Variants in SPOCK3 observed in about 807,000 individuals in gnomAD.
SPOCK3 encodes the protein SPARC (osteonectin), cwcv and kazal like domains proteoglycan 3, also known as testican-3.
In SPOCK3, 30 loss-of-function variants were observed where a neutral mutation model predicts 56.6. That is an observed-to-expected ratio of 0.53 (90% CI 0.40 to 0.72). The LOEUF (loss-of-function observed/expected upper bound fraction) is 0.72. SPOCK3 is among the 30% of genes least tolerant of loss of function. The pLI, the probability that SPOCK3 is intolerant of heterozygous loss-of-function variation, is 0.00. For missense variants in SPOCK3, 527 were observed against 530.0 expected (o/e 0.99, Z 0.06); for synonymous variants, 196 against 183.3 (o/e 1.07, Z -0.56).
chr4:167,178,315 G>C (rs1561295526), intron 2 of SPOCK3, among the ~76,000 whole-genome samples: 1 of 152,214 alleles, frequency 6.6e-6, no homozygotes, highest in East Asian at 1.9e-4. Flanking sequence ...CTTTGCCATT[G>C]TTTAAATAAT....
chr4:166,799,437 C>T (rs745489704), intron 6 of SPOCK3, among the ~76,000 whole-genome samples: 7 of 152,122 alleles, frequency 4.6e-5, no homozygotes, highest in South Asian at 2.1e-4. Flanking sequence ...TTTGCCCAGG[C>T]TATTGCTACA....
intron 2 of SPOCK3, among the ~76,000 whole-genome samples, chr4:167,134,326 C>T (rs28465014): frequency 4.0e-5 from 6 of 151,870 alleles, no homozygotes; most frequent in Admixed American, 1.3e-4. Flanking sequence ...AGCCATCGCA[C>T]GTGGCGCTTG....
At chr4:166,745,495 A>T (rs1289202180) in intron 8 of SPOCK3, among the ~76,000 whole-genome samples, 1 of 152,234 alleles carries the variant, frequency 6.6e-6, no homozygotes, top group Admixed American at 6.5e-5. Context: ...AAAGCACTAA[A>T]CATGGAAAGG....
At chr4:166,841,339 A>T (rs1747290783) in intron 6 of SPOCK3, among the ~76,000 whole-genome samples, 1 of 152,220 alleles carries the variant, frequency 6.6e-6, no homozygotes, top group African/African-American at 2.4e-5. Context: ...ACAGAATAAG[A>T]ATAATAAGTG....
chr4:166,899,004 C>A (rs1020104627), intron 5 of SPOCK3, among the ~76,000 whole-genome samples: 1 of 152,096 alleles, frequency 6.6e-6, no homozygotes, highest in African/African-American at 2.4e-5. Context: ...CTAGGCAGTG[C>A]AAATTGCCTC....
chr4:167,085,687 C>T (rs892469989), intron 2 of SPOCK3, among the ~76,000 whole-genome samples: 2 of 152,072 alleles, frequency 1.3e-5, no homozygotes, highest in Non-Finnish European at 2.9e-5. Context: ...CTGTGCTATA[C>T]TGAGTTTCTG....
intron 6 of SPOCK3, among the ~76,000 whole-genome samples, chr4:166,795,352 T>C (rs955638817): frequency 1.3e-5 from 2 of 152,176 alleles, no homozygotes; most frequent in African/African-American, 4.8e-5. Flanking sequence ...CATTTATTAT[T>C]CAGAAAGGTT....
At chr4:166,879,788 T>C (rs1228846921) in intron 6 of SPOCK3, among the ~76,000 whole-genome samples, 1 of 152,178 alleles carries the variant, frequency 6.6e-6, no homozygotes, top group Admixed American at 6.6e-5. Context: ...ATCTCCAATG[T>C]TGGAGGTGAG....
chr4:167,195,713 C>T (rs1273898497), intron 2 of SPOCK3, among the ~76,000 whole-genome samples: 3 of 152,148 alleles, frequency 2.0e-5, no homozygotes, highest in Non-Finnish European at 4.4e-5. Context: ...AAGGCTAAAA[C>T]GCATTGCAGA....
intron 2 of SPOCK3, among the ~76,000 whole-genome samples, chr4:167,066,938 A>G (rs1348693591): frequency 6.6e-6 from 1 of 151,856 alleles, no homozygotes; most frequent in African/African-American, 2.4e-5. Flanking sequence ...TTACACGGAA[A>G]GGTCAACTGT....
At chr4:166,951,213 G>A (rs1449194434) in intron 4 of SPOCK3, among the ~76,000 whole-genome samples, 1 of 142,272 alleles carries the variant, frequency 7.0e-6, no homozygotes, top group East Asian at 2.0e-4. Context: ...AAAGAGAGAA[G>A]AATCAAATAG....
chr4:167,122,998 A>G (rs992694464), intron 2 of SPOCK3, among the ~76,000 whole-genome samples: 1 of 151,938 alleles, frequency 6.6e-6, no homozygotes, highest in African/African-American at 2.4e-5. Flanking sequence ...AGAGCTAAAG[A>G]GATTATTTAA....
Position 166,889,209 on chromosome 4 carries a change from T to C in SPOCK3, c.510A>G (p.Lys170=). 1 of 1,611,712 alleles carries C rather than the reference T, an allele frequency of 6.2e-7. No homozygotes were observed. Among genetic ancestry groups the C allele is most frequent in the Non-Finnish European group, 8.5e-7 (1 of 1,178,312 alleles). The change falls in exon 6 of 11, where the codon AAA becomes AAG. Residue 170 remains lysine, a synonymous_variant. Coordinates refer to ENST00000357545, the MANE Select transcript of SPOCK3 (RefSeq NM_001040159.2). ...KLEYQACVLG[K]QISVKCEGHC... ...GTCCTTCACATTTGACTGAGATCTG[T>C]TTTCCTAAGACACATGCCTGATATT...
chr4:167,137,165 T>C (rs1715968132), intron 2 of SPOCK3, among the ~76,000 whole-genome samples: 1 of 152,030 alleles, frequency 6.6e-6, no homozygotes, highest in South Asian at 2.1e-4. Context: ...CTAAAGCAAA[T>C]ATGGACTGAG....
At chr4:167,219,332 T>C (rs749112621) in intron 2 of SPOCK3, among the ~76,000 whole-genome samples, 1 of 152,198 alleles carries the variant, frequency 6.6e-6, no homozygotes, top group African/African-American at 2.4e-5. Flanking sequence ...CCAAGGCAAT[T>C]AGCAAGCTCG....
intron 2 of SPOCK3, among the ~76,000 whole-genome samples, chr4:167,131,731 C>T (rs1762715676): frequency 6.6e-6 from 1 of 152,198 alleles, no homozygotes; most frequent in Non-Finnish European, 1.5e-5. Context: ...ATGGTTTTCT[C>T]AATCATTTTC....
At chr4:167,134,277 C>T (rs1762937056) in intron 2 of SPOCK3, among the ~76,000 whole-genome samples, 1 of 151,846 alleles carries the variant, frequency 6.6e-6, no homozygotes, top group Admixed American at 6.6e-5. Flanking sequence ...AGGCGATCTG[C>T]CTGCCTCAGT....
intron 2 of SPOCK3, among the ~76,000 whole-genome samples, chr4:167,132,118 T>TA (rs1762755490): frequency 6.6e-6 from 1 of 152,232 alleles, no homozygotes; most frequent in South Asian, 2.1e-4. Context: ...TGTGAATTTT[T>TA]AAAAAAGTTT....
At chr4:167,115,456 G>T (rs1478997016) in intron 2 of SPOCK3, among the ~76,000 whole-genome samples, 2 of 151,992 alleles carry the variant, frequency 1.3e-5, no homozygotes, top group Non-Finnish European at 2.9e-5. Flanking sequence ...TAAAATATTG[G>T]TCCTGGGTAA....
Sources: allele counts gnomAD v4.1 joint callset (sites outside exome capture counted in the v4.1 genomes callset), GRCh38; gene constraint gnomAD v4.1.1; transcripts MANE v1.5; gene names NCBI Gene and HGNC (gene_info 2026-07-23, HGNC 2026-07-21).